Variants in CACNA2D3 observed in about 807,000 individuals in gnomAD.
CACNA2D3 encodes calcium voltage-gated channel auxiliary subunit alpha2delta 3, also known as voltage-dependent calcium channel subunit alpha-2/delta-3.
CACNA2D3 carries 60 observed loss-of-function variants against 160.6 expected under a neutral mutation model. The ratio of observed to expected loss-of-function variants is 0.37; its 90% CI spans 0.30 to 0.46. The LOEUF is 0.46. Ranked by LOEUF, CACNA2D3 falls within the 20% of genes least tolerant of loss-of-function variation. CACNA2D3 has a pLI of 1.00. For synonymous variants in CACNA2D3, 558 were observed against 492.9 expected (o/e 1.13, Z -1.75); for missense variants, 1,205 against 1,365.0 (o/e 0.88, Z 1.85).
At chr3:54,580,562 G>T (rs1702658434) in intron 8 of CACNA2D3, among the ~76,000 whole-genome samples, 1 of 152,092 alleles carries the variant, frequency 6.6e-6, no homozygotes. Context: ...GGAGCTCCGG[G>T]CCTCTTTGGC....
chr3:54,405,776 G>A (rs1699564233), intron 4 of CACNA2D3, among the ~76,000 whole-genome samples: 1 of 151,554 alleles, frequency 6.6e-6, no homozygotes, highest in South Asian at 2.1e-4. Context: ...CAAAAATATT[G>A]GGAAAAATAT....
intron 23 of CACNA2D3, among the ~76,000 whole-genome samples, chr3:54,887,178 C>A (rs1355898805): frequency 6.6e-6 from 1 of 152,090 alleles, no homozygotes; most frequent in Admixed American, 6.5e-5. Flanking sequence ...GTAATCCCAG[C>A]ACTTTGGGAG....
chr3:54,150,472 C>A (rs764931749), intron 2 of CACNA2D3, among the ~76,000 whole-genome samples: 7 of 152,218 alleles, frequency 4.6e-5, no homozygotes, highest in Non-Finnish European at 8.8e-5. Flanking sequence ...GGCCTGGACA[C>A]CTCATTCCTG....
intron 11 of CACNA2D3, among the ~76,000 whole-genome samples, chr3:54,715,081 C>G (rs1402217099): frequency 6.6e-6 from 1 of 152,144 alleles, no homozygotes; most frequent in Non-Finnish European, 1.5e-5. Flanking sequence ...GACTGTCCCT[C>G]AAGACTGCCC....
At chr3:54,700,705 G>A (rs552212355) in intron 11 of CACNA2D3, among the ~76,000 whole-genome samples, 1 of 152,300 alleles carries the variant, frequency 6.6e-6, no homozygotes, top group Non-Finnish European at 1.5e-5. Context: ...TATACTATAG[G>A]AATATTAAGT....
intron 2 of CACNA2D3, among the ~76,000 whole-genome samples, chr3:54,202,103 C>G (rs545581379): frequency 6.6e-6 from 1 of 152,300 alleles, no homozygotes; most frequent in South Asian, 2.1e-4. Flanking sequence ...ATGAAATTCA[C>G]ATGTAATTGG....
chr3:54,891,180 C>CGTGTGTGTGTGTGTGTGTGT (rs3836392), intron 24 of CACNA2D3, among the ~76,000 whole-genome samples, 175 bp from the exon 25 acceptor site: 2 of 141,900 alleles, frequency 1.4e-5, no homozygotes, highest in African/African-American at 5.3e-5. Context: ...AATCTGTGCT[C>CGTGTGTGTGTGTGTGTGTGT]GTGTGTGTGT....
chr3:54,735,992 T>TAC (rs1363784247), intron 11 of CACNA2D3, among the ~76,000 whole-genome samples: 1 of 98,770 alleles, frequency 1.0e-5, no homozygotes, highest in Non-Finnish European at 2.0e-5. Flanking sequence ...TATATATATA[T>TAC]ACATATATAT....
intron 27 of CACNA2D3, among the ~76,000 whole-genome samples, chr3:54,931,587 AG>A (rs1701193336): frequency 6.6e-6 from 1 of 152,146 alleles, no homozygotes; most frequent in South Asian, 2.1e-4. Flanking sequence ...CTGCACTATG[AG>A]GGTCTCCTGG....
chr3:54,785,479 A>G (rs1466385498), intron 13 of CACNA2D3, among the ~76,000 whole-genome samples: 1 of 152,200 alleles, frequency 6.6e-6, no homozygotes, highest in African/African-American at 2.4e-5. Flanking sequence ...GGAGGCTGTC[A>G]TCCTCCAAAA....
chr3:54,550,676 C>G (rs544078598), intron 5 of CACNA2D3, among the ~76,000 whole-genome samples: 134 of 152,264 alleles, frequency 8.8e-4, no homozygotes, highest in African/African-American at 3.1e-3. Context: ...CTGTTGCAGT[C>G]AACAGAATTT....
intron 4 of CACNA2D3, among the ~76,000 whole-genome samples, chr3:54,400,774 A>G (rs1337263643): frequency 6.6e-6 from 1 of 152,196 alleles, no homozygotes; most frequent in East Asian, 1.9e-4. Context: ...CAGTCTGTAA[A>G]GTTTGGAAGA....
intron 3 of CACNA2D3, among the ~76,000 whole-genome samples, chr3:54,357,727 T>C (rs1280488321): frequency 6.6e-6 from 1 of 152,196 alleles, no homozygotes; most frequent in African/African-American, 2.4e-5. Flanking sequence ...TGGAATGTTA[T>C]TCGGTAATAA....
intron 28 of CACNA2D3, among the ~76,000 whole-genome samples, chr3:54,968,748 A>T (rs916815376): frequency 1.3e-5 from 2 of 152,238 alleles, no homozygotes; most frequent in Admixed American, 6.5e-5. Context: ...TTGTGGGATC[A>T]AGATAGTGAC....
At position 55,042,223 on chromosome 3, in the gene CACNA2D3, T is replaced by C. The variant is rs533353654; in HGVS notation, c.2987+23906T>C. 3.3e-5 allele frequency among the ~76,000 whole-genome samples: 5 copies of C among 152,302 alleles called. No individual in the cohort carries two copies. The South Asian group carries it at 1.0e-3, about 32-fold the overall frequency. On this transcript the variant is annotated intron_variant, in intron 35 of 37. Transcript: ENST00000474759. ...ATTTATTTATGGCTGAAATGTTTGA[T>C]AAAATCCCAAGAGAGATTTGTTAAA...
intron 8 of CACNA2D3, among the ~76,000 whole-genome samples, chr3:54,579,389 T>C (rs1702638298): frequency 6.6e-6 from 1 of 152,142 alleles, no homozygotes; most frequent in Non-Finnish European, 1.5e-5. Flanking sequence ...TGTAACCTCA[T>C]AGTTGCAAAA....
chr3:54,954,485 A>T (rs1336053360), intron 27 of CACNA2D3, among the ~76,000 whole-genome samples: 1 of 152,244 alleles, frequency 6.6e-6, no homozygotes, highest in East Asian at 1.9e-4. Context: ...AGGAAGGCAG[A>T]TGCCTGCCCA....
At position 54,419,097 on chromosome 3, in the gene CACNA2D3, C is replaced by A. The variant is rs528506426; in HGVS notation, c.381+32323C>A. On this transcript the variant is annotated intron_variant, in intron 4 of 37. Transcript: ENST00000474759. ...GGATGAGAGTTAAAATACAATTTGCCAAAGAGGAAAAGTGACAATGCCGCC... is the reference window on the plus strand; with the variant it reads ...GGATGAGAGTTAAAATACAATTTGCAAAAGAGGAAAAGTGACAATGCCGCC... Among the ~76,000 whole-genome samples, 110 of 152,260 alleles carry A rather than the reference C, an allele frequency of 7.2e-4. No homozygotes were observed. In the Middle Eastern group the frequency reaches 0.01, roughly 14 times the overall value.
At chr3:54,871,910 T>C (rs2106822002) in intron 18 of CACNA2D3, among the ~76,000 whole-genome samples, 1 of 152,346 alleles carries the variant, frequency 6.6e-6, no homozygotes, top group East Asian at 1.9e-4. Flanking sequence ...TCCAGCCTTC[T>C]TCCCAGTACA....
Sources: allele counts gnomAD v4.1 joint callset (sites outside exome capture counted in the v4.1 genomes callset), GRCh38; gene constraint gnomAD v4.1.1; transcripts MANE v1.5; gene names NCBI Gene and HGNC (gene_info 2026-07-23, HGNC 2026-07-21).